Variants in NEGR1 observed in about 807,000 individuals in gnomAD.
The protein encoded by NEGR1 is neuronal growth regulator 1.
Under a neutral mutation model 40.9 loss-of-function variants are expected in NEGR1, and 10 were observed. That is an observed-to-expected ratio of 0.24 (90% CI 0.15 to 0.42). The LOEUF (loss-of-function observed/expected upper bound fraction) is 0.42, where lower values mean the gene tolerates loss of function less well. NEGR1 is among the 10% of genes least tolerant of loss of function. The pLI, the probability that NEGR1 is intolerant of heterozygous loss-of-function variation, is 1.00. For missense variants in NEGR1, 352 were observed against 438.9 expected, an observed-to-expected ratio of 0.80 and a Z score of 1.77; for synonymous variants, 185 against 166.8, an observed-to-expected ratio of 1.11 and a Z score of -0.84.
At chr1:71,757,469 T>A (rs935577430) in intron 3 of NEGR1, among the ~76,000 whole-genome samples, 1 of 152,138 alleles carries the variant, frequency 6.6e-6, no homozygotes, top group Non-Finnish European at 1.5e-5. Flanking sequence ...AATAGTTATA[T>A]GGAAGTCTCA....
chr1:71,832,024 C>T (rs573501612), intron 2 of NEGR1, among the ~76,000 whole-genome samples: 21 of 151,684 alleles, frequency 1.4e-4, no homozygotes, highest in South Asian at 4.2e-4. Flanking sequence ...GATGTAAGTA[C>T]GCAAGATGGA....
chr1:71,410,591 T>G (rs1233870618), intron 6 of NEGR1, among the ~76,000 whole-genome samples: 1 of 152,174 alleles, frequency 6.6e-6, no homozygotes, highest in Non-Finnish European at 1.5e-5. Context: ...AATACAATTA[T>G]TTTTTACAAA....
intron 2 of NEGR1, among the ~76,000 whole-genome samples, chr1:71,849,242 A>G (rs535809468): frequency 7.2e-5 from 11 of 152,354 alleles, no homozygotes; most frequent in Non-Finnish European, 1.6e-4. Context: ...TCATGAAAGA[A>G]GGTCAAAACA....
intron 6 of NEGR1, among the ~76,000 whole-genome samples, chr1:71,578,344 A>T (rs2101501481): frequency 6.6e-6 from 1 of 152,286 alleles, no homozygotes; most frequent in African/African-American, 2.4e-5. Context: ...TTAATTCTTC[A>T]TTGATCTGGG....
At chr1:71,669,703 T>G (rs1303554802) in intron 4 of NEGR1, among the ~76,000 whole-genome samples, 1 of 152,050 alleles carries the variant, frequency 6.6e-6, no homozygotes, top group Non-Finnish European at 1.5e-5. Flanking sequence ...CAGGCTGGAG[T>G]GCAGTGGCGC....
intron 6 of NEGR1, among the ~76,000 whole-genome samples, chr1:71,561,982 C>T (rs1366482921): frequency 7.0e-6 from 1 of 142,138 alleles, no homozygotes; most frequent in Non-Finnish European, 1.5e-5. Flanking sequence ...GGCTCAATTG[C>T]AATTCCTTTT....
At chr1:71,678,910 A>G (rs1015404366) in intron 4 of NEGR1, among the ~76,000 whole-genome samples, 2 of 152,164 alleles carry the variant, frequency 1.3e-5, no homozygotes, top group African/African-American at 4.8e-5. Flanking sequence ...AGGCGGCATC[A>G]AGAAGAGGCT....
intron 6 of NEGR1, among the ~76,000 whole-genome samples, chr1:71,444,394 A>G (rs1039671435): frequency 6.6e-6 from 1 of 152,166 alleles, no homozygotes; most frequent in African/African-American, 2.4e-5. Context: ...TTTATTTATT[A>G]TAAACATGGA....
intron 2 of NEGR1, among the ~76,000 whole-genome samples, chr1:71,880,708 C>G (rs1425242106): frequency 1.3e-5 from 2 of 151,988 alleles, no homozygotes; most frequent in Admixed American, 6.6e-5. Context: ...TCAATTCTGA[C>G]TGTATGCATA....
At chr1:71,829,055 A>G (rs977372474) in intron 2 of NEGR1, among the ~76,000 whole-genome samples, 4 of 151,934 alleles carry the variant, frequency 2.6e-5, no homozygotes, top group African/African-American at 4.8e-5. Flanking sequence ...GCTACTATCT[A>G]AAGTCTGAAT....
intron 6 of NEGR1, among the ~76,000 whole-genome samples, chr1:71,526,889 G>T (rs1647223384): frequency 6.6e-6 from 1 of 151,428 alleles, no homozygotes; most frequent in Non-Finnish European, 1.5e-5. Flanking sequence ...CAGCCTCACT[G>T]CACTTTCTGC....
intron 1 of NEGR1, among the ~76,000 whole-genome samples, chr1:72,094,341 G>C (rs1445944220): frequency 6.6e-6 from 1 of 152,168 alleles, no homozygotes; most frequent in Non-Finnish European, 1.5e-5. Flanking sequence ...AGGAGCCAGA[G>C]AAAAAGTGGG....
intron 6 of NEGR1, among the ~76,000 whole-genome samples, chr1:71,434,952 A>G (rs111435344): frequency 0.21 from 31,505 of 151,958 alleles, 6,663 homozygotes; most frequent in African/African-American, 0.54. Flanking sequence ...TTAGCCCGGC[A>G]TAGTGGCGGG....
intron 1 of NEGR1, among the ~76,000 whole-genome samples, chr1:71,973,176 C>T (rs1646272367): frequency 6.6e-6 from 1 of 151,956 alleles, no homozygotes; most frequent in Admixed American, 6.6e-5. Context: ...ATTAGCTGGG[C>T]GTGGTGGCGG....
At chr1:71,956,887 A>G (rs551081708) in intron 1 of NEGR1, among the ~76,000 whole-genome samples, 2 of 152,228 alleles carry the variant, frequency 1.3e-5, no homozygotes, top group Admixed American at 1.3e-4. Flanking sequence ...CCTTATCTGT[A>G]AAACAGAATC....
In NEGR1 at chr1:72,201,146, T is replaced by C. The variant is rs1290207563; in HGVS notation, c.176+81173A>G. Among the ~76,000 whole-genome samples, 3 of 151,784 alleles carry C rather than the reference T, an allele frequency of 2.0e-5. No homozygotes were observed. In the East Asian group the frequency reaches 5.8e-4, roughly 29 times the overall value. ...ACATTGTGTGGAAATGACAGATAAT[T>C]GTATTACATACATTTTAGCAACAAA... is the stretch of plus-strand genomic sequence containing the variant. On this transcript the variant is annotated intron_variant, in intron 1 of 6. Transcript: ENST00000357731.
chr1:71,664,806 C>T (rs562037140), intron 4 of NEGR1, among the ~76,000 whole-genome samples: 2 of 152,094 alleles, frequency 1.3e-5, no homozygotes, highest in East Asian at 1.9e-4. Context: ...CACCCTTTTC[C>T]CCTTGATCTG....
chr1:71,895,838 G>A (rs183891620), intron 2 of NEGR1, among the ~76,000 whole-genome samples: 2 of 152,182 alleles, frequency 1.3e-5, no homozygotes, highest in East Asian at 3.9e-4. Flanking sequence ...GAATTATATA[G>A]TAACTGTGTG....
chr1:71,636,900 T>C (rs914045617), intron 4 of NEGR1, among the ~76,000 whole-genome samples: 1 of 152,050 alleles, frequency 6.6e-6, no homozygotes, highest in Non-Finnish European at 1.5e-5. Flanking sequence ...ATATTAATAG[T>C]AGCCCAATAC....
Sources: allele counts gnomAD v4.1 joint callset (sites outside exome capture counted in the v4.1 genomes callset), GRCh38; gene constraint gnomAD v4.1.1; transcripts MANE v1.5; gene names NCBI Gene and HGNC (gene_info 2026-07-23, HGNC 2026-07-21).